The following OAS2 variants were observed in gnomAD, a reference collection of about 807,000 sequenced individuals.
OAS2 encodes 2'-5'-oligoadenylate synthase 2.
A neutral mutation model predicts 71.3 loss-of-function variants in OAS2; 67 were observed. That is an observed-to-expected ratio of 0.94 (90% CI 0.77 to 1.15). The LOEUF is 1.15. Ranked by LOEUF, OAS2 falls within the 50% of genes most tolerant of loss-of-function variation. The pLI, the probability that OAS2 is intolerant of heterozygous loss-of-function variation, is 0.00. For missense variants in OAS2, 789 were observed against 822.5 expected, an observed-to-expected ratio of 0.96 and a Z score of 0.50; for synonymous variants, 327 against 321.8, an observed-to-expected ratio of 1.02 and a Z score of -0.17.
At chr12:113,001,562 A>G (rs1280915176) in intron 5 of OAS2, among the ~76,000 whole-genome samples, 1 of 149,950 alleles carries the variant, frequency 6.7e-6, no homozygotes, top group Non-Finnish European at 1.5e-5. Flanking sequence ...TCACCTTTTC[A>G]AGCTCCTTGA....
intron 8 of OAS2, among the ~76,000 whole-genome samples, chr12:113,006,894 C>T (rs915119882): frequency 1.3e-5 from 2 of 152,214 alleles, no homozygotes; most frequent in Non-Finnish European, 2.9e-5. Context: ...AGCTGGGATT[C>T]ACATGCCCAC....
chr12:113,002,970 T>C lies in OAS2; in HGVS notation c.1047T>C (p.Asp349=). 1 of 1,614,124 alleles carries C rather than the reference T, an allele frequency of 6.2e-7. No homozygotes were observed. The highest frequency in any genetic ancestry group is 8.5e-7 in the Non-Finnish European group (1 of 1,179,974). The part of the protein sequence containing the change: ...PLFTTPGHLL[D]KFIKEFLQPN... Reference sequence around the variant, plus strand: ...TCACGACCCCAGGCCACCTTCTGGATAAGTTCATCAAGGAGTTTCTCCAGC... The same window carrying C: ...TCACGACCCCAGGCCACCTTCTGGACAAGTTCATCAAGGAGTTTCTCCAGC... Residue 349 remains aspartate (D), a synonymous_variant, in exon 6 of 10, where the codon GAT becomes GAC. Coordinates refer to ENST00000392583, the MANE Select transcript of OAS2 (RefSeq NM_002535.3).
chr12:113,009,290 C>T lies in OAS2; in HGVS notation c.*35C>T. On this transcript the variant is annotated 3_prime_UTR_variant, in exon 10 of 10. Transcript: ENST00000392583. ...TGTCTGGAAATAGCCCTGTAACAGG[C>T]TTGAATCAAAGAACTTCTCCTACTG... 2.5e-6 allele frequency: 4 copies of T among 1,601,730 alleles called. No homozygotes were observed. The highest frequency in any genetic ancestry group is 3.4e-6 in the Non-Finnish European group (4 of 1,174,468).
At chr12:112,987,688 T>C (rs1293765) in intron 2 of OAS2, 756,279 of 1,085,130 alleles carry the variant, frequency 0.7, 265,753 homozygotes, top group East Asian at 0.91. Context: ...CCGCAGATCA[T>C]GCTTGCAGGT....
In OAS2 at chr12:113,009,806, A is replaced by G. The variant is rs878924650; in HGVS notation, c.*551A>G. ...AAGGTGGCTACAAAGATGACTGTGG[A>G]CGTGGGTTGCACTGGCCACCCAAGG... On this transcript the variant is annotated 3_prime_UTR_variant, in exon 10 of 10. Transcript: ENST00000392583. The G allele has an allele frequency of 8.1e-6, 8 of 986,952 alleles. No individual in the cohort carries two copies. In the South Asian group the frequency reaches 2.3e-4, roughly 29 times the overall value. 61.1% of individuals were successfully genotyped at this position (986,952 alleles called of 1,614,324 possible). A position where few individuals can be genotyped will look rare whatever the true frequency, so the allele number is the denominator to read the frequency against.
intron 2 of OAS2, among the ~76,000 whole-genome samples, chr12:112,994,135 G>A (rs1252814903): frequency 6.6e-6 from 1 of 152,052 alleles, no homozygotes. Context: ...CCAGACAATG[G>A]GATGTCAAAT....
Position 113,010,356 on chromosome 12 carries a change from G to C in OAS2, c.*1101G>C. 6.2e-7 allele frequency: 1 copy of C among 1,606,960 alleles called. No individual in the cohort carries two copies. Among genetic ancestry groups the C allele is most frequent in the Non-Finnish European group, 8.5e-7 (1 of 1,177,542 alleles). On this transcript the variant is annotated 3_prime_UTR_variant, in exon 10 of 10. Transcript: ENST00000392583. ...CTATTAGGAGACATTGCTCTCCCAC[G>C]TATGTTTTTCTTTTTAGACAATGCA...
chr12:113,004,846 T>G (rs1394437911), intron 6 of OAS2, 88 bp from the exon 7 acceptor site: 14 of 1,360,552 alleles, frequency 1.0e-5, no homozygotes, highest in Non-Finnish European at 1.4e-5. Flanking sequence ...GGAAACAGTG[T>G]CAGTTAGCCC....
At chr12:112,999,578 G>A (rs959477720) in intron 5 of OAS2, among the ~76,000 whole-genome samples, 4 of 152,216 alleles carry the variant, frequency 2.6e-5, no homozygotes, top group Non-Finnish European at 5.9e-5. Flanking sequence ...AGGTTGGGGA[G>A]TCTATGAATG....
Position 112,998,329 on chromosome 12 carries a change from A to G in OAS2, c.927A>G (p.Gln309=), listed in dbSNP as rs1656316210. The G allele has an allele frequency of 1.2e-6, 2 of 1,610,716 alleles. No homozygotes were observed. The highest frequency in any genetic ancestry group is 1.3e-5 in the African/African-American group (1 of 74,724). The change falls in exon 5 of 10, where the codon CAA becomes CAG. Residue 309 remains glutamine (Q), a synonymous_variant. Transcript: ENST00000392583. ...NNVSGDKICW[Q]WLKKEAQTWL... ...TGAGTGGAGATAAAATATGCTGGCA[A>G]TGGCTGAAAAAAGAAGCTCAAACCT...
In OAS2 at chr12:113,010,290, C is replaced by A. The variant is rs2044368842; in HGVS notation, c.*1035C>A. The A allele has an allele frequency of 1.3e-6, 2 of 1,502,856 alleles. No individual in the cohort carries two copies. The highest frequency in any genetic ancestry group is 2.2e-5 in the Admixed American group (1 of 44,992). The allele number at this position is 1,502,856 out of a possible 1,614,324, so 93.1% of individuals were successfully genotyped here. On this transcript the variant is annotated 3_prime_UTR_variant, in exon 10 of 10. Coordinates refer to ENST00000392583, the MANE Select transcript of OAS2 (RefSeq NM_002535.3). ...AATAGTTACCTTCCCAGATACAGGT[C>A]CCCCCTTTTTTCCCCTAACTCTTTT...
chr12:113,004,351 C>G (rs930483766), intron 6 of OAS2, among the ~76,000 whole-genome samples: 1 of 152,104 alleles, frequency 6.6e-6, no homozygotes, highest in African/African-American at 2.4e-5. Context: ...ACATTTTTCT[C>G]TACAGAAACT....
At chr12:112,997,873 G>A in intron 4 of OAS2, 118 bp downstream of exon 4, 2 of 826,758 alleles carry the variant, frequency 2.4e-6, no homozygotes, top group Non-Finnish European at 3.7e-6. Context: ...AAGAATGGCA[G>A]CCACCATGGG....
At chr12:112,979,587 T>C (rs2044060593) in intron 1 of OAS2, among the ~76,000 whole-genome samples, 1 of 152,206 alleles carries the variant, frequency 6.6e-6, no homozygotes, top group African/African-American at 2.4e-5. Flanking sequence ...AGGGCATGCA[T>C]GTTTAACCAC....
intron 5 of OAS2, among the ~76,000 whole-genome samples, chr12:112,999,414 G>A (rs1020594581): frequency 2.0e-5 from 3 of 152,194 alleles, no homozygotes; most frequent in African/African-American, 7.2e-5. Flanking sequence ...AGGCCAAAGA[G>A]GCCAATCAAA....
intron 2 of OAS2, among the ~76,000 whole-genome samples, chr12:112,994,981 C>T (rs1448766736): frequency 6.6e-6 from 1 of 152,230 alleles, no homozygotes; most frequent in Non-Finnish European, 1.5e-5. Context: ...AAAGAACCCA[C>T]TTGCTCCCTA....
chr12:113,001,419 C>CATAT (rs2044286891), intron 5 of OAS2, among the ~76,000 whole-genome samples: 1 of 149,282 alleles, frequency 6.7e-6, no homozygotes, highest in Admixed American at 6.8e-5. Flanking sequence ...CATATATACA[C>CATAT]ATATATGCAC....
intron 6 of OAS2, among the ~76,000 whole-genome samples, chr12:113,003,372 C>T (rs1056914099): frequency 1.3e-5 from 2 of 152,182 alleles, no homozygotes; most frequent in Non-Finnish European, 2.9e-5. Flanking sequence ...AGACACATCA[C>T]TCCCGTCTCT....
At chr12:112,984,131 C>G (rs1392467019) in intron 1 of OAS2, among the ~76,000 whole-genome samples, 1 of 152,192 alleles carries the variant, frequency 6.6e-6, no homozygotes, top group Non-Finnish European at 1.5e-5. Flanking sequence ...AAGTTCCCAG[C>G]TATTACTGTA....
Sources: gnomAD v4.1 joint callset for allele counts (sites outside exome capture counted in the v4.1 genomes callset) on GRCh38, gnomAD v4.1.1 for gene constraint, MANE v1.5 for transcripts, NCBI Gene and HGNC (gene_info 2026-07-23, HGNC 2026-07-21) for gene names.